The following SORCS1 variants were observed in gnomAD, a reference collection of about 807,000 sequenced individuals.
SORCS1 encodes VPS10 domain-containing receptor SorCS1.
A neutral mutation model predicts 146.1 loss-of-function variants in SORCS1; 60 were observed. That is an observed-to-expected ratio of 0.41 (90% CI 0.33 to 0.51). SORCS1 has a LOEUF of 0.51. SORCS1 is among the 20% of genes least tolerant of loss of function. The pLI, the probability that SORCS1 is intolerant of heterozygous loss-of-function variation, is 0.21. For missense variants in SORCS1, 1,352 were observed against 1,487.6 expected (o/e 0.91, Z 1.50); for synonymous variants, 637 against 584.0 (o/e 1.09, Z -1.31).
At chr10:106,673,830 T>C (rs1851796473) in intron 14 of SORCS1, among the ~76,000 whole-genome samples, 1 of 152,194 alleles carries the variant, frequency 6.6e-6, no homozygotes, top group Non-Finnish European at 1.5e-5. Context: ...GATGTTTGAA[T>C]TACCAACCAT....
chr10:106,695,899 CA>C (rs1374495810), intron 9 of SORCS1, among the ~76,000 whole-genome samples: 3 of 152,190 alleles, frequency 2.0e-5, no homozygotes, highest in Admixed American at 6.5e-5. Flanking sequence ...ATTCCACACA[CA>C]CACATAGTTC....
At chr10:106,804,578 A>G (rs1327648725) in intron 3 of SORCS1, among the ~76,000 whole-genome samples, 1 of 152,082 alleles carries the variant, frequency 6.6e-6, no homozygotes, top group Non-Finnish European at 1.5e-5. Flanking sequence ...AAACATATAT[A>G]CAATTCATAA....
chr10:106,863,506 C>G lies in SORCS1; in HGVS notation c.627-33833G>C, dbSNP rs545544806. On this transcript the variant is annotated intron_variant, in intron 2 of 25. Coordinates refer to ENST00000263054, the MANE Select transcript of SORCS1 (RefSeq NM_052918.5). Reference sequence around the variant, plus strand: ...TACCACTGTACTCCAGCTTGGGCAACAGAGCATGACTCCATTTCAAAAAAA... The same window carrying G: ...TACCACTGTACTCCAGCTTGGGCAAGAGAGCATGACTCCATTTCAAAAAAA... Among the ~76,000 whole-genome samples, 16 of 137,496 alleles carry G rather than the reference C, an allele frequency of 1.2e-4. No homozygotes were observed. The East Asian group carries it at 3.1e-3, about 27-fold the overall frequency. 90.2% of individuals were successfully genotyped at this position (137,496 alleles called of 152,430 possible).
chr10:106,970,336 C>CTTTTTTTTGTTTTTTTTTTTTTTTTTT (rs1955714034), intron 1 of SORCS1, among the ~76,000 whole-genome samples: 1 of 89,454 alleles, frequency 1.1e-5, no homozygotes, highest in African/African-American at 5.4e-5. Flanking sequence ...ACCAACATCT[C>CTTTTTTTTGTTTTTTTTTTTTTTTTTT]TTTTTTTTTT....
At chr10:106,786,961 T>G (rs1379826161) in intron 3 of SORCS1, among the ~76,000 whole-genome samples, 2 of 152,154 alleles carry the variant, frequency 1.3e-5, no homozygotes, top group Non-Finnish European at 2.9e-5. Context: ...CCAAGTGAAT[T>G]GCATTGTTTA....
At chr10:106,835,825 T>C (rs1460714435) in intron 2 of SORCS1, among the ~76,000 whole-genome samples, 1 of 151,584 alleles carries the variant, frequency 6.6e-6, no homozygotes, top group Non-Finnish European at 1.5e-5. Flanking sequence ...GACCAACATA[T>C]AGAAGCCCCA....
chr10:106,934,349 C>T lies in SORCS1; in HGVS notation c.626+22164G>A, dbSNP rs10218954. On this transcript the variant is annotated intron_variant, in intron 2 of 25. Coordinates refer to ENST00000263054, the MANE Select transcript of SORCS1 (RefSeq NM_052918.5). ...CTCAGATCACTGCGAGCTCGGTCTC[C>T]GGGGTTCACGTCATTCTCCTGCCTC... is the stretch of plus-strand genomic sequence containing the variant. Among the ~76,000 whole-genome samples the T allele has an allele frequency of 8.3e-3, 1,268 of 152,044 alleles. 24 individuals are homozygous for T. Among genetic ancestry groups the T allele is most frequent in the African/African-American group, 0.029 (1,198 of 41,482 alleles).
At chr10:106,692,442 C>T (rs530469133) in intron 9 of SORCS1, among the ~76,000 whole-genome samples, 62 of 152,184 alleles carry the variant, frequency 4.1e-4, no homozygotes, top group Non-Finnish European at 6.8e-4. Flanking sequence ...CTGGTAACCA[C>T]GACTGGGGAG....
At chr10:107,051,949 G>A (rs772066512) in intron 1 of SORCS1, among the ~76,000 whole-genome samples, 3 of 152,124 alleles carry the variant, frequency 2.0e-5, no homozygotes, top group African/African-American at 4.8e-5. Flanking sequence ...GTCCTACCCT[G>A]CCTTGGTCTT....
rs567113936 is a variant in SORCS1 at position 106,618,863 on chromosome 10, T to C, written c.2797-591A>G. 4.4e-4 allele frequency among the ~76,000 whole-genome samples: 67 copies of C among 152,106 alleles called. 1 individual carries two copies. Among genetic ancestry groups the C allele is most frequent in the African/African-American group, 1.5e-3 (63 of 41,516 alleles). Reference sequence around the variant, plus strand: ...GCTGTGGAAACAAGCACTAATTGGATAGTGGTTTGAGGATTCAAAACAGAA... The same window carrying C: ...GCTGTGGAAACAAGCACTAATTGGACAGTGGTTTGAGGATTCAAAACAGAA... On this transcript the variant is annotated intron_variant, in intron 20 of 25. Coordinates refer to ENST00000263054, the MANE Select transcript of SORCS1 (RefSeq NM_052918.5).
chr10:106,836,474 C>CAAAA (rs68181690), intron 2 of SORCS1, among the ~76,000 whole-genome samples: 3 of 77,788 alleles, frequency 3.9e-5, no homozygotes, highest in East Asian at 4.6e-4. Context: ...GACTCGGTCT[C>CAAAA]AAAAAAAAAA....
At chr10:106,689,599 C>T (rs1589668476) in intron 9 of SORCS1, among the ~76,000 whole-genome samples, 1 of 152,122 alleles carries the variant, frequency 6.6e-6, no homozygotes, top group East Asian at 1.9e-4. Flanking sequence ...TTAGCTGTCA[C>T]CTCTCCAGAC....
At chr10:106,946,046 C>A (rs1197286108) in intron 2 of SORCS1, among the ~76,000 whole-genome samples, 1 of 152,142 alleles carries the variant, frequency 6.6e-6, no homozygotes, top group Non-Finnish European at 1.5e-5. Flanking sequence ...TGGTTATGCT[C>A]TTCTTCTTTG....
intron 2 of SORCS1, among the ~76,000 whole-genome samples, chr10:106,933,594 T>C (rs117628230): frequency 0.014 from 2,102 of 152,248 alleles, 20 homozygotes; most frequent in Non-Finnish European, 0.02. Flanking sequence ...AGGAGTCCAA[T>C]AGTGAAACAC....
At chr10:106,633,521 T>A (rs1027440427) in intron 18 of SORCS1, among the ~76,000 whole-genome samples, 2 of 152,170 alleles carry the variant, frequency 1.3e-5, no homozygotes, top group African/African-American at 4.8e-5. Flanking sequence ...ACTTAATGAT[T>A]CAAGTGTTCT....
chr10:106,989,274 A>G (rs1021473878), intron 1 of SORCS1, among the ~76,000 whole-genome samples: 8 of 77,190 alleles, frequency 1.0e-4, no homozygotes, highest in African/African-American at 3.4e-4. Context: ...CACCTCAGAA[A>G]AAAAAAAAAA....
rs376256526 is a variant in SORCS1, at chr10:107,032,787, A to G, written c.559-76207T>C. ...AATCATTCAGGGCTGAAACAACACA[A>G]TTAAGGCTCCTTCCCACCCTCTCTT... On this transcript the variant is annotated intron_variant, in intron 1 of 25. Transcript: ENST00000263054. Among the ~76,000 whole-genome samples, 5 of 152,156 alleles carry G rather than the reference A, an allele frequency of 3.3e-5. No homozygotes were observed. The South Asian group carries it at 6.2e-4, about 19-fold the overall frequency.
chr10:106,913,785 A>G (rs1952278633), intron 2 of SORCS1, among the ~76,000 whole-genome samples: 1 of 152,200 alleles, frequency 6.6e-6, no homozygotes, highest in African/African-American at 2.4e-5. Flanking sequence ...AGAGCAGGCC[A>G]CTCAAATCTC....
intron 1 of SORCS1, among the ~76,000 whole-genome samples, chr10:107,150,796 C>T (rs1235389855): frequency 6.6e-6 from 1 of 152,176 alleles, no homozygotes; most frequent in African/African-American, 2.4e-5. Context: ...CGTCTTCACT[C>T]TACACTTCTC....
Sources: allele counts gnomAD v4.1 joint callset (sites outside exome capture counted in the v4.1 genomes callset), GRCh38; gene constraint gnomAD v4.1.1; transcripts MANE v1.5; gene names NCBI Gene and HGNC (gene_info 2026-07-23, HGNC 2026-07-21).